Variants in ACOT6 observed in about 807,000 individuals in gnomAD.
The protein encoded by ACOT6 is acyl-CoA thioesterase 6.
A neutral mutation model predicts 12.3 loss-of-function variants in ACOT6; 14 were observed. The ratio of observed to expected loss-of-function variants is 1.14; its 90% CI spans 0.75 to 1.78. ACOT6 has a LOEUF of 1.78. Among genes scored for constraint, ACOT6 ranks in the 40% most tolerant of loss-of-function variants. The pLI is 0.00. For synonymous variants in ACOT6, 218 were observed against 231.3 expected, an observed-to-expected ratio of 0.94 and a Z score of 0.52; for missense variants, 523 against 551.8, an observed-to-expected ratio of 0.95 and a Z score of 0.52.
upstream of ACOT6, among the ~76,000 whole-genome samples, chr14:73,611,750 G>C (rs1054774097): frequency 3.3e-5 from 5 of 152,152 alleles, no homozygotes; most frequent in South Asian, 4.1e-4. Flanking sequence ...AGATCACCAG[G>C]TATTAATATT....
In ACOT6 at chr14:73,619,315, A is replaced by G; in HGVS notation, c.742A>G (p.Ile248Val). 1 of 1,613,832 alleles carries G rather than the reference A, an allele frequency of 6.2e-7. No individual in the cohort carries two copies. Reference sequence around the variant, plus strand: ...CTCAATGGCTTCTTTCTTGAAGGGCATCACAGCCACTGTACTTATCAATGC... The same window carrying G: ...CTCAATGGCTTCTTTCTTGAAGGGCGTCACAGCCACTGTACTTATCAATGC... ...CLSMASFLKG[I>V]TATVLINACV... The change falls in exon 3 of 3, where the codon ATC becomes GTC. Residue 248 changes from isoleucine to valine, a missense_variant. Ile to Val is a conservative substitution (Grantham distance 29). Transcript: ENST00000645972.
In ACOT6 at chr14:73,619,236, G is replaced by A. The variant is rs765233466; in HGVS notation, c.663G>A (p.Val221=). Reference sequence around the variant, plus strand: ...TTCCTTCTCTTTTTCCTCAACAGGTGAAAGGTCCTAGTATTGCGCTTCTTG... The same window carrying A: ...TTCCTTCTCTTTTTCCTCAACAGGTAAAAGGTCCTAGTATTGCGCTTCTTG... ...AVDFMLQHPK[V]KGPSIALLGF... The change falls in exon 3 of 3, where the codon GTG becomes GTA. Residue 221 remains valine, a splice_region_variant and synonymous_variant. Transcript: ENST00000645972. The A allele has an allele frequency of 1.2e-5, 19 of 1,554,612 alleles. No individual in the cohort carries two copies. The highest frequency in any genetic ancestry group is 1.5e-5 in the Non-Finnish European group (17 of 1,154,466).
intron 2 of ACOT6, among the ~76,000 whole-genome samples, chr14:73,617,762 T>C (rs915117746): frequency 3.9e-5 from 6 of 152,204 alleles, no homozygotes; most frequent in African/African-American, 1.2e-4. Context: ...TTTGATTATA[T>C]GAAGTAATCA....
chr14:73,618,327 T>A (rs1890574085), intron 2 of ACOT6, among the ~76,000 whole-genome samples: 1 of 151,814 alleles, frequency 6.6e-6, no homozygotes, highest in African/African-American at 2.4e-5. Context: ...CACCCCAGAA[T>A]TCTCTGCCAA....
chr14:73,614,026 CAAAAA>C (rs59411143), intron 1 of ACOT6, among the ~76,000 whole-genome samples: 7,451 of 92,746 alleles, frequency 0.08, 178 homozygotes, highest in East Asian at 0.2. Flanking sequence ...TCTGTCTCTA[CAAAAA>C]AAAAAAAAAA....
intron 1 of ACOT6, among the ~76,000 whole-genome samples, chr14:73,616,124 G>T (rs1890532528): frequency 6.6e-6 from 1 of 151,966 alleles, no homozygotes; most frequent in Non-Finnish European, 1.5e-5. Flanking sequence ...GTGCCATCAT[G>T]CCCAGCTAGT....
At chr14:73,611,869 A>G (rs1890448828), upstream of ACOT6, among the ~76,000 whole-genome samples, 1 of 152,126 alleles carries the variant, frequency 6.6e-6, no homozygotes, top group Non-Finnish European at 1.5e-5. Context: ...ACTGAGGGGT[A>G]AAGGACGGAT....
upstream of ACOT6, chr14:73,611,452 G>C (rs1890443426): frequency 6.6e-6 from 1 of 152,110 alleles, no homozygotes; most frequent in South Asian, 2.1e-4. Flanking sequence ...CATTGTTTTT[G>C]TTTTTAAATC....
At position 73,619,579 on chromosome 14, in the gene ACOT6, CAGAT is replaced by C. The variant is rs1890596381; in HGVS notation, c.1009_1012del (p.Ile337ProfsTer15). ...AAGCTGGAAGAGTGAATTCTATGCT[CAGAT>C]AGCCTCTGAAAGGCTACAAGCTCAT... On this transcript the variant is annotated frameshift_variant, in exon 3 of 3. Transcript: ENST00000645972. LOFTEE classifies it low-confidence loss of function (END_TRUNC). The C allele has an allele frequency of 1.2e-6, 2 of 1,614,100 alleles. No individual in the cohort carries two copies. Among genetic ancestry groups the C allele is most frequent in the Non-Finnish European group, 8.5e-7 (1 of 1,180,044 alleles).
At chr14:73,617,230 G>A (rs1890556232) in intron 2 of ACOT6, 38 bp downstream of exon 2, 1 of 1,613,754 alleles carries the variant, frequency 6.2e-7, no homozygotes. Context: ...GAAGAGAGGG[G>A]ATAGAGCTGA....
chr14:73,611,920 C>G (rs865877618), upstream of ACOT6, among the ~76,000 whole-genome samples: 9 of 152,072 alleles, frequency 5.9e-5, no homozygotes, highest in African/African-American at 2.2e-4. Flanking sequence ...AGTACAATCA[C>G]CTGGGATGCT....
intron 2 of ACOT6, among the ~76,000 whole-genome samples, chr14:73,618,488 G>A (rs953702824): frequency 6.6e-6 from 1 of 151,388 alleles, no homozygotes; most frequent in African/African-American, 2.5e-5. Context: ...TGGAAGAGAA[G>A]GAGTGTGGTG....
At chr14:73,616,091 T>C (rs556097696) in intron 1 of ACOT6, among the ~76,000 whole-genome samples, 1 of 151,978 alleles carries the variant, frequency 6.6e-6, no homozygotes, top group South Asian at 2.1e-4. Flanking sequence ...CTCTTCCTCC[T>C]GAGTAGCTAA....
At chr14:73,614,873 G>T (rs1367823170) in intron 1 of ACOT6, among the ~76,000 whole-genome samples, 1 of 151,902 alleles carries the variant, frequency 6.6e-6, no homozygotes, top group Admixed American at 6.6e-5. Context: ...GAGGCAGGTG[G>T]ATCACCTGAG....
upstream of ACOT6, chr14:73,612,435 G>A (rs1283642695): frequency 5.6e-6 from 3 of 539,314 alleles, no homozygotes; most frequent in Non-Finnish European, 8.6e-6. Flanking sequence ...CAGCGGCCTG[G>A]AGCCTGTCCC....
chr14:73,618,053 G>C (rs1890570111), intron 2 of ACOT6, among the ~76,000 whole-genome samples: 1 of 152,056 alleles, frequency 6.6e-6, no homozygotes, highest in Admixed American at 6.6e-5. Context: ...TGAGGCAGGA[G>C]AATTGCTCGA....
At chr14:73,615,402 A>AC (rs1253868694) in intron 1 of ACOT6, among the ~76,000 whole-genome samples, 1 of 79,960 alleles carries the variant, frequency 1.3e-5, no homozygotes, top group Non-Finnish European at 3.0e-5. Flanking sequence ...AAAAAAAAAA[A>AC]AAAAACAAAA....
In ACOT6 at chr14:73,619,323, C is replaced by G. The variant is rs200727737; in HGVS notation, c.750C>G (p.Ala250=). ...SMASFLKGIT[A]TVLINACVAN... Reference sequence around the variant, plus strand: ...CTTCTTTCTTGAAGGGCATCACAGCCACTGTACTTATCAATGCCTGTGTAG... The same window carrying G: ...CTTCTTTCTTGAAGGGCATCACAGCGACTGTACTTATCAATGCCTGTGTAG... Residue 250 remains alanine (A), a synonymous_variant, in exon 3 of 3, where the codon GCC becomes GCG. Transcript: ENST00000645972. 13 of 1,614,136 alleles carry G rather than the reference C, an allele frequency of 8.1e-6. No homozygotes were observed. In the East Asian group the frequency reaches 2.9e-4, roughly 36 times the overall value.
At chr14:73,616,536 T>A (rs1046891348) in intron 1 of ACOT6, among the ~76,000 whole-genome samples, 1 of 151,746 alleles carries the variant, frequency 6.6e-6, no homozygotes, top group Admixed American at 6.6e-5. Flanking sequence ...CTACTAAAAA[T>A]ACAAAAAAAA....
Sources: allele counts gnomAD v4.1 joint callset (sites outside exome capture counted in the v4.1 genomes callset), GRCh38; gene constraint gnomAD v4.1.1; transcripts MANE v1.5; gene names NCBI Gene and HGNC (gene_info 2026-07-23, HGNC 2026-07-21).